Variants in NEO1 observed in about 807,000 individuals in gnomAD.
NEO1 encodes neogenin.
In NEO1, 63 loss-of-function variants were observed where a neutral mutation model predicts 159.7. That is an observed-to-expected ratio of 0.39 (90% CI 0.32 to 0.49). The LOEUF (loss-of-function observed/expected upper bound fraction) is 0.49. Among genes scored for constraint, NEO1 ranks in the 20% least tolerant of loss-of-function variants. The pLI is 0.85. For synonymous variants in NEO1, 633 were observed against 662.0 expected (o/e 0.96, Z 0.67); for missense variants, 1,615 against 1,831.0 (o/e 0.88, Z 2.15).
chr15:73,277,912 C>T (rs553366423), intron 21 of NEO1, among the ~76,000 whole-genome samples: 15 of 152,318 alleles, frequency 9.8e-5, no homozygotes, highest in Admixed American at 2.6e-4. Context: ...GTGAGACAAG[C>T]GTGTCAGTCT....
chr15:73,116,613 T>C lies in NEO1; in HGVS notation c.204T>C (p.Ser68=). ...TGGATACACTCTCAGTTAGAGGCTCTTCTGTTATATTAAACTGTTCAGCAT... is the reference window on the plus strand; with the variant it reads ...TGGATACACTCTCAGTTAGAGGCTCCTCTGTTATATTAAACTGTTCAGCAT... The part of the protein sequence containing the change: ...EPVDTLSVRG[S]SVILNCSAYS... Residue 68 remains serine (S), a synonymous_variant, in exon 2 of 29, where the codon TCT becomes TCC. Coordinates refer to ENST00000261908, the MANE Select transcript of NEO1 (RefSeq NM_002499.4). The C allele has an allele frequency of 6.2e-7, 1 of 1,610,644 alleles. No individual in the cohort carries two copies. The highest frequency in any genetic ancestry group is 1.1e-5 in the South Asian group (1 of 90,260).
intron 7 of NEO1, among the ~76,000 whole-genome samples, chr15:73,226,523 A>G (rs1436714705): frequency 6.6e-6 from 1 of 152,222 alleles, no homozygotes; most frequent in African/African-American, 2.4e-5. Context: ...AGTCATTAAC[A>G]TACTAATATG....
chr15:73,138,598 T>G (rs998558589), intron 5 of NEO1, among the ~76,000 whole-genome samples: 2 of 151,574 alleles, frequency 1.3e-5, no homozygotes, highest in Non-Finnish European at 2.9e-5. Context: ...CTACTAAAAA[T>G]ACAAAAAAAT....
At position 73,272,144 on chromosome 15, in the gene NEO1, G is replaced by A. The variant is rs1373661595; in HGVS notation, c.2858-311G>A. ...ATACTAAGTGAGATACTATGTGTACGTTACCTGGTATACGGTAGGTACTTG... is the reference window on the plus strand; with the variant it reads ...ATACTAAGTGAGATACTATGTGTACATTACCTGGTATACGGTAGGTACTTG... On this transcript the variant is annotated intron_variant, in intron 18 of 28. Transcript: ENST00000261908. Among the ~76,000 whole-genome samples the A allele has an allele frequency of 5.3e-5, 8 of 152,100 alleles. No individual in the cohort carries two copies. The East Asian group carries it at 9.6e-4, about 18-fold the overall frequency.
In NEO1 at chr15:73,302,650, A is replaced by G. The variant is rs976392893; in HGVS notation, c.4340A>G (p.His1447Arg). The change falls in exon 29 of 29, where the codon CAC (histidine) becomes CGC (arginine). Residue 1447 changes from histidine to arginine, a missense_variant. By Grantham distance (29) the His-to-Arg change is conservative. Around this residue, in one of 3 missense-constraint regions of NEO1, gnomAD observed 471 missense variants for 498.9 expected, o/e 0.94. Transcript: ENST00000261908. ...EPDELTKEMA[H>R]LEGLMKDLNA... is the part of the protein sequence containing the mutation. ...GATGAGCTGACCAAAGAGATGGCCCACCTGGAAGGACTAATGAAGGACCTA... is the reference window on the plus strand; with the variant it reads ...GATGAGCTGACCAAAGAGATGGCCCGCCTGGAAGGACTAATGAAGGACCTA... 6.2e-7 allele frequency: 1 copy of G among 1,614,032 alleles called. No individual in the cohort carries two copies. The highest frequency in any genetic ancestry group is 8.5e-7 in the Non-Finnish European group (1 of 1,180,002).
chr15:73,206,849 G>A (rs28560382), intron 7 of NEO1, among the ~76,000 whole-genome samples: 24 of 147,508 alleles, frequency 1.6e-4, no homozygotes, highest in Middle Eastern at 3.4e-3. Context: ...GTGTGTGTGC[G>A]TGTGTGTGTG....
intron 26 of NEO1, among the ~76,000 whole-genome samples, chr15:73,297,824 G>T (rs2151173348): frequency 6.6e-6 from 1 of 152,334 alleles, no homozygotes; most frequent in African/African-American, 2.4e-5. Context: ...CTTGAGCTAT[G>T]GGTTTTTTGC....
chr15:73,121,026 G>T (rs1369360913), intron 2 of NEO1, among the ~76,000 whole-genome samples: 1 of 148,664 alleles, frequency 6.7e-6, no homozygotes, highest in Non-Finnish European at 1.5e-5. Context: ...TTGCAGACAG[G>T]TTTTCCTGTA....
intron 13 of NEO1, chr15:73,255,483 G>T (rs1163986531): frequency 6.6e-6 from 1 of 152,308 alleles, no homozygotes; most frequent in East Asian, 1.9e-4. Context: ...GCTAAGCAAG[G>T]GGAAGGTTCT....
In NEO1 at chr15:73,266,410, A is replaced by C; in HGVS notation, c.2493A>C (p.Thr831=). ...LYESAVTRPH[T]DTSEVDLFVI... is the part of the protein sequence containing the mutation. ...AGAGTGCTGTGACCAGGCCTCACAC[A>C]GGTAAGGTATCCTATCTTTCCTAGT... The change falls in exon 16 of 29, where the codon ACA becomes ACC. Residue 831 remains threonine (T), a splice_region_variant and synonymous_variant. Coordinates refer to ENST00000261908, the MANE Select transcript of NEO1 (RefSeq NM_002499.4). 9 of 1,607,182 alleles carry C rather than the reference A, an allele frequency of 5.6e-6. No individual in the cohort carries two copies. The highest frequency in any genetic ancestry group is 7.6e-6 in the Non-Finnish European group (9 of 1,176,496).
intron 1 of NEO1, among the ~76,000 whole-genome samples, chr15:73,096,814 G>A (rs950451977): frequency 3.3e-5 from 5 of 152,036 alleles, no homozygotes; most frequent in African/African-American, 7.2e-5. Flanking sequence ...TCTTCAAAGA[G>A]CACTCATTTT....
chr15:73,184,134 T>C (rs2035780168), intron 7 of NEO1, among the ~76,000 whole-genome samples: 1 of 152,092 alleles, frequency 6.6e-6, no homozygotes, highest in African/African-American at 2.4e-5. Context: ...TCATTCTTTA[T>C]ATACCTTTTT....
intron 7 of NEO1, among the ~76,000 whole-genome samples, chr15:73,190,939 T>C (rs1293815638): frequency 6.6e-6 from 1 of 152,124 alleles, no homozygotes; most frequent in Non-Finnish European, 1.5e-5. Flanking sequence ...TTAAATTTAA[T>C]GATCTCTTAG....
At chr15:73,151,723 CCACAGGGTCTCT>C (rs1329932253) in intron 5 of NEO1, among the ~76,000 whole-genome samples, 1 of 152,132 alleles carries the variant, frequency 6.6e-6, no homozygotes, top group Non-Finnish European at 1.5e-5. Flanking sequence ...CAGTTACCTC[CCACAGGGTCTCT>C]CCCACAACAT....
intron 5 of NEO1, among the ~76,000 whole-genome samples, chr15:73,153,270 G>C (rs1008672979): frequency 6.6e-6 from 1 of 152,196 alleles, no homozygotes; most frequent in Non-Finnish European, 1.5e-5. Flanking sequence ...CTCACAGAGA[G>C]GCACAGAAAT....
chr15:73,124,755 A>C (rs2029939912), intron 3 of NEO1, among the ~76,000 whole-genome samples: 1 of 152,110 alleles, frequency 6.6e-6, no homozygotes, highest in South Asian at 2.1e-4. Context: ...TTCAGAACAT[A>C]TTACCATCTG....
intron 8 of NEO1, among the ~76,000 whole-genome samples, chr15:73,239,424 A>G (rs573534338): frequency 6.6e-6 from 1 of 152,188 alleles, no homozygotes; most frequent in Non-Finnish European, 1.5e-5. Context: ...GCAAGATTAT[A>G]AAAGGAGACT....
chr15:73,274,011 G>A lies in NEO1; in HGVS notation c.3160+6G>A, dbSNP rs781351584. The A allele has an allele frequency of 6.2e-7, 1 of 1,611,274 alleles. No homozygotes were observed. The highest frequency in any genetic ancestry group is 8.5e-7 in the Non-Finnish European group (1 of 1,178,634). ...CCAATTCAGAACACCTAAAGGTAAT[G>A]CTCCCCAAGCTGAGGGTTTTGTTGT... On this transcript the variant is annotated splice_donor_region_variant and intron_variant, in intron 20 of 28. Transcript: ENST00000261908.
chr15:73,128,426 CTT>C (rs969095111), intron 4 of NEO1, among the ~76,000 whole-genome samples: 61 of 152,186 alleles, frequency 4.0e-4, no homozygotes, highest in African/African-American at 6.7e-4. Context: ...AGATATAAAA[CTT>C]ATATATAATG....
Sources: gnomAD v4.1 joint callset for allele counts (sites outside exome capture counted in the v4.1 genomes callset) on GRCh38, gnomAD v4.1.1 for gene constraint, gnomAD v4.1.1 regional missense constraint, MANE v1.5 for transcripts, NCBI Gene and HGNC (gene_info 2026-07-23, HGNC 2026-07-21) for gene names.